Variants in ECSCR observed in about 807,000 individuals in gnomAD.
The protein encoded by ECSCR is endothelial cell surface expressed chemotaxis and apoptosis regulator, also known as endothelial cell-specific chemotaxis regulator.
In ECSCR, 12 loss-of-function variants were observed where a neutral mutation model predicts 16.7. That is an observed-to-expected ratio of 0.72 (90% CI 0.46 to 1.17). ECSCR has a LOEUF of 1.17. ECSCR is among the 50% of genes most tolerant of loss of function. The pLI is 0.00. For missense variants in ECSCR, 122 were observed against 116.1 expected (o/e 1.05, Z -0.23); for synonymous variants, 44 against 42.2 (o/e 1.04, Z -0.17).
At position 139,454,867 on chromosome 5, in the gene ECSCR, C is replaced by T. The variant is rs1258619716; in HGVS notation, c.433G>A (p.Val145Ile). The change falls in exon 7 of 10, where the codon GTC becomes ATC. Residue 145 changes from valine to isoleucine, a missense_variant. By Grantham distance (29) the Val-to-Ile change is conservative. Transcript: ENST00000618155. ...TTCCGACACTTGAACCTCAGGCTGA[C>T]CACACCAACTAGGATGATCACCACA... ...VVVVIILVGV[V>I]SLRFKCRKSK... The T allele has an allele frequency of 2.5e-6, 1 of 398,716 alleles. No individual in the cohort carries two copies. The highest frequency in any genetic ancestry group is 4.4e-6 in the Non-Finnish European group (1 of 226,262). 24.7% of individuals were successfully genotyped at this position (398,716 alleles called of 1,614,324 possible).
intron 1 of ECSCR, among the ~76,000 whole-genome samples, chr5:139,460,239 T>G (rs1751266993): frequency 6.6e-6 from 1 of 151,946 alleles, no homozygotes; most frequent in South Asian, 2.1e-4. Flanking sequence ...GGGCTCAAGC[T>G]ATTCTCCTGT....
chr5:139,454,812 G>C lies in ECSCR; in HGVS notation c.475+13C>G. 2.5e-6 allele frequency: 1 copy of C among 398,512 alleles called. No homozygotes were observed. The highest frequency in any genetic ancestry group is 4.4e-6 in the Non-Finnish European group (1 of 226,092). 24.7% of individuals were successfully genotyped at this position (398,512 alleles called of 1,614,324 possible). A position where few individuals can be genotyped will look rare whatever the true frequency, so the allele number is the denominator to read the frequency against. ...GCAGAGGGGAAAAAGATCCCCGAGG[G>C]CAGGGCACGCACCTTCAGACTCCTT... On this transcript the variant is annotated intron_variant, in intron 7 of 9. Coordinates refer to ENST00000618155, the MANE Select transcript of ECSCR (RefSeq NM_001077693.4).
Sources: allele counts gnomAD v4.1 joint callset (sites outside exome capture counted in the v4.1 genomes callset), GRCh38; gene constraint gnomAD v4.1.1; transcripts MANE v1.5; gene names NCBI Gene and HGNC (gene_info 2026-07-23, HGNC 2026-07-21).